The following ZFHX3 variants were observed in gnomAD, a reference collection of about 807,000 sequenced individuals.
ZFHX3 encodes zinc finger homeobox protein 3.
In ZFHX3, 42 loss-of-function variants were observed where a neutral mutation model predicts 279.1. That is an observed-to-expected ratio of 0.15 (90% CI 0.12 to 0.19). The LOEUF (loss-of-function observed/expected upper bound fraction) is 0.19. ZFHX3 is among the 10% of genes least tolerant of loss of function. ZFHX3 has a pLI of 1.00. For synonymous variants in ZFHX3, 2,293 were observed against 1,957.8 expected (o/e 1.17, Z -4.52); for missense variants, 4,981 against 4,754.0 (o/e 1.05, Z -1.40).
rs1340598699 is a variant in ZFHX3, at chr16:73,689,825, TGTTG to T, written c.-1607-9589_-1607-9586del. On this transcript the variant is annotated intron_variant, in intron 1 of 17. Coordinates refer to the ZFHX3 transcript ENST00000641206. ...ACAGTTTTTTGTTTTTTGTTTTTTT[TGTTG>T]TTGTTGTTTTTTTGAGATGGAGTCT... Among the ~76,000 whole-genome samples, 155 of 146,848 alleles carry T rather than the reference TGTTG, an allele frequency of 1.1e-3. 2 individuals carry two copies. Among genetic ancestry groups the T allele is most frequent in the African/African-American group, 3.3e-3 (131 of 40,012 alleles).
chr16:73,517,822 A>G (rs1324878325), intron 2 of ZFHX3, among the ~76,000 whole-genome samples: 1 of 152,186 alleles, frequency 6.6e-6, no homozygotes, highest in African/African-American at 2.4e-5. Flanking sequence ...GGTCTAAAGC[A>G]GTGTTTTCTA....
intron 4 of ZFHX3, among the ~76,000 whole-genome samples, chr16:72,839,434 C>T (rs1278968108): frequency 1.3e-5 from 2 of 152,176 alleles, no homozygotes; most frequent in Non-Finnish European, 2.9e-5. Context: ...TTTAACCTCA[C>T]ACCAAACTGG....
chr16:73,709,905 G>C (rs1001412252), intron 1 of ZFHX3, among the ~76,000 whole-genome samples: 15 of 152,134 alleles, frequency 9.9e-5, no homozygotes, highest in African/African-American at 3.6e-4. Flanking sequence ...GTTTTGGCCG[G>C]GCGTGGTGGC....
At chr16:73,119,408 G>A (rs182406121) in intron 7 of ZFHX3, among the ~76,000 whole-genome samples, 3 of 152,234 alleles carry the variant, frequency 2.0e-5, no homozygotes, top group African/African-American at 4.8e-5. Context: ...CACTCAGCCC[G>A]GAAGCACTTT....
At chr16:73,651,730 C>A (rs1597048073) in intron 2 of ZFHX3, among the ~76,000 whole-genome samples, 1 of 141,196 alleles carries the variant, frequency 7.1e-6, no homozygotes, top group Non-Finnish European at 1.5e-5. Context: ...TGGCAGGCTC[C>A]TGTAGTCCCA....
chr16:73,598,296 T>C, intron 2 of ZFHX3, among the ~76,000 whole-genome samples: 1 of 152,204 alleles, frequency 6.6e-6, no homozygotes, highest in East Asian at 1.9e-4. Context: ...GACAAATTCT[T>C]CTGGTTTAGC....
chr16:73,796,865 G>A (rs1178983986), intron 1 of ZFHX3, among the ~76,000 whole-genome samples: 1 of 152,158 alleles, frequency 6.6e-6, no homozygotes, highest in East Asian at 1.9e-4. Flanking sequence ...ACATGTCCTG[G>A]ATCCCTTGCA....
At chr16:72,990,055 T>C (rs1963020761) in intron 1 of ZFHX3, among the ~76,000 whole-genome samples, 1 of 152,082 alleles carries the variant, frequency 6.6e-6, no homozygotes. Flanking sequence ...TACCACAAGG[T>C]TTGGGTTTTT....
intron 1 of ZFHX3, among the ~76,000 whole-genome samples, chr16:73,000,131 G>GT (rs1224646072): frequency 1.3e-5 from 2 of 152,176 alleles, no homozygotes; most frequent in Non-Finnish European, 2.9e-5. Flanking sequence ...GCCCACCCGA[G>GT]TAAGTATCCC....
Position 72,788,690 on chromosome 16 carries a change from G to GT in ZFHX3, c.9585_9586insA (p.Pro3196ThrfsTer43). 6.2e-7 allele frequency: 1 copy of GT among 1,613,314 alleles called. No homozygotes were observed. Among genetic ancestry groups the GT allele is most frequent in the Non-Finnish European group, 8.5e-7 (1 of 1,179,590 alleles). On this transcript the variant is annotated frameshift_variant, in exon 10 of 10. Coordinates refer to ENST00000268489, the MANE Select transcript of ZFHX3 (RefSeq NM_006885.4). LOFTEE classifies it high-confidence loss of function. ...TGCTGCTGCTGCTGCTGCTGCTGGGGGGGTTGCTGAGGGCCCATCGCCATC... is the reference window on the plus strand; with the variant it reads ...TGCTGCTGCTGCTGCTGCTGCTGGGGTGGGTTGCTGAGGGCCCATCGCCATC...
At chr16:73,833,351 C>G (rs1961050197) in intron 1 of ZFHX3, among the ~76,000 whole-genome samples, 1 of 151,944 alleles carries the variant, frequency 6.6e-6, no homozygotes, top group Admixed American at 6.6e-5. Context: ...CAGCTAGACC[C>G]CAGCTTAAAA....
chr16:73,687,606 G>A (rs923843731), intron 1 of ZFHX3, among the ~76,000 whole-genome samples: 1 of 152,040 alleles, frequency 6.6e-6, no homozygotes, highest in Non-Finnish European at 1.5e-5. Context: ...CACTTTGGGA[G>A]GCCAAGGCAG....
chr16:72,940,597 A>G (rs1477546010), intron 3 of ZFHX3, among the ~76,000 whole-genome samples: 2 of 152,188 alleles, frequency 1.3e-5, no homozygotes, highest in African/African-American at 4.8e-5. Context: ...TCCTCCAGGA[A>G]GAGCATACTG....
intron 2 of ZFHX3, among the ~76,000 whole-genome samples, chr16:73,480,473 A>ATG (rs2018846205): frequency 6.6e-6 from 1 of 152,112 alleles, no homozygotes; most frequent in Non-Finnish European, 1.5e-5. Flanking sequence ...ACTGCTAAGG[A>ATG]TGAGGCAAAG....
chr16:73,016,955 G>A (rs1964122305), intron 1 of ZFHX3, among the ~76,000 whole-genome samples: 1 of 151,974 alleles, frequency 6.6e-6, no homozygotes, highest in Admixed American at 6.6e-5. Flanking sequence ...GCTGGGCGCA[G>A]TGGTTCATGC....
chr16:73,253,797 C>T (rs1174163258), intron 5 of ZFHX3, among the ~76,000 whole-genome samples: 1 of 152,038 alleles, frequency 6.6e-6, no homozygotes, highest in Non-Finnish European at 1.5e-5. Context: ...AGGCAAGGAG[C>T]AGAGACAGAA....
At chr16:72,840,112 T>C (rs1383042809) in intron 4 of ZFHX3, among the ~76,000 whole-genome samples, 1 of 150,560 alleles carries the variant, frequency 6.6e-6, no homozygotes, top group African/African-American at 2.5e-5. Context: ...AGAGAGATCT[T>C]ATGCTTAATG....
chr16:73,665,983 T>G (rs1227148902), intron 2 of ZFHX3, among the ~76,000 whole-genome samples: 1 of 151,154 alleles, frequency 6.6e-6, no homozygotes, highest in Non-Finnish European at 1.5e-5. Context: ...GCCCGGCTAA[T>G]TTTTTTGTAT....
intron 3 of ZFHX3, among the ~76,000 whole-genome samples, chr16:73,369,947 C>G (rs1174973692): frequency 6.6e-6 from 1 of 152,138 alleles, no homozygotes; most frequent in East Asian, 1.9e-4. Context: ...ATCGCTTGGT[C>G]AGACTGTTTG....
Sources: gnomAD v4.1 joint callset for allele counts (sites outside exome capture counted in the v4.1 genomes callset) on GRCh38, gnomAD v4.1.1 for gene constraint, MANE v1.5 for transcripts, NCBI Gene and HGNC (gene_info 2026-07-23, HGNC 2026-07-21) for gene names.